The following MT1A variants were observed in gnomAD, a reference collection of about 807,000 sequenced individuals.
MT1A encodes the protein metallothionein-1A.
A neutral mutation model predicts 5.5 loss-of-function variants in MT1A; 6 were observed. The observed-to-expected ratio is 1.09, with a 90% CI of 0.60 to 2.16. The LOEUF (loss-of-function observed/expected upper bound fraction) is 2.16, where lower values mean the gene tolerates loss of function less well. MT1A is among the 30% of genes most tolerant of loss of function. The pLI, the probability that MT1A is intolerant of heterozygous loss-of-function variation, is 0.00. For synonymous variants in MT1A, 23 were observed against 24.8 expected, an observed-to-expected ratio of 0.93 and a Z score of 0.21; for missense variants, 69 against 73.4, an observed-to-expected ratio of 0.94 and a Z score of 0.22.
rs765515008 is a variant in MT1A, at chr16:56,639,979, G to T, written c.*29G>T. The T allele has an allele frequency of 1.2e-6, 2 of 1,613,132 alleles. No homozygotes were observed. The highest frequency in any genetic ancestry group is 1.1e-5 in the South Asian group (1 of 91,000). ...CCGGACAGCCCTGCTCGAAGATATA[G>T]AAAGAGTGACCTGCACAAACTTGGA... On this transcript the variant is annotated 3_prime_UTR_variant, in exon 3 of 3. Transcript: ENST00000290705.
chr16:56,638,797 A>T, intron 1 of MT1A, 31 bp downstream of exon 1: 2 of 1,613,592 alleles, frequency 1.2e-6, no homozygotes, highest in Non-Finnish European at 1.7e-6. Context: ...GGTCCTTAGG[A>T]TACCTATTTC....
chr16:56,639,828 G>T (rs527555915), intron 2 of MT1A, 31 bp from the exon 3 acceptor site: 10 of 1,613,676 alleles, frequency 6.2e-6, no homozygotes, highest in Non-Finnish European at 8.5e-6. Context: ...GTCAAGTCTG[G>T]TCTGACCTCT....
At chr16:56,638,790 C>T in intron 1 of MT1A, 24 bp downstream of exon 1, 1 of 1,613,754 alleles carries the variant, frequency 6.2e-7, no homozygotes, top group South Asian at 1.1e-5. Flanking sequence ...GGTTTCTGGT[C>T]CTTAGGATAC....
chr16:56,639,513 A>C (rs1207502385), intron 2 of MT1A, among the ~76,000 whole-genome samples, 184 bp downstream of exon 2: 1 of 12,336 alleles, frequency 8.1e-5, no homozygotes, highest in African/African-American at 1.9e-4. Flanking sequence ...TAAAATAGAC[A>C]AACTGAGGCC....
rs551386659 is a variant in MT1A, at chr16:56,638,667, C to T, written c.-72C>T. On this transcript the variant is annotated 5_prime_UTR_variant, in exon 1 of 3. Transcript: ENST00000290705. ...AGCAGCCGCTGGCTGCTGGGCCCTA[C>T]CAAGCCTTCCACGTGCGCCTTATAG... 92 of 1,562,716 alleles carry T rather than the reference C, an allele frequency of 5.9e-5. No individual in the cohort carries two copies. In the East Asian group the frequency reaches 1.9e-3, roughly 33 times the overall value.
rs761598956 is a variant in MT1A at position 56,639,845 on chromosome 16, C to T, written c.95-14C>T. 3 of 1,614,078 alleles carry T rather than the reference C, an allele frequency of 1.9e-6. No individual in the cohort carries two copies. The Admixed American group carries it at 5.0e-5, about 27-fold the overall frequency. Reference sequence around the variant, plus strand: ...CAAGTCTGGTCTGACCTCTCACTCTCCCTTCTTCCCCAGGCTGCTGCTCCT... The same window carrying T: ...CAAGTCTGGTCTGACCTCTCACTCTTCCTTCTTCCCCAGGCTGCTGCTCCT... On this transcript the variant is annotated splice_polypyrimidine_tract_variant and intron_variant, in intron 2 of 2. Coordinates refer to ENST00000290705, the MANE Select transcript of MT1A (RefSeq NM_005946.3).
In MT1A at chr16:56,639,855, C is replaced by T; in HGVS notation, c.95-4C>T. On this transcript the variant is annotated splice_polypyrimidine_tract_variant and splice_region_variant and intron_variant, in intron 2 of 2. Transcript: ENST00000290705. The stretch of plus-strand genomic sequence containing the variant: ...CTGACCTCTCACTCTCCCTTCTTCC[C>T]CAGGCTGCTGCTCCTGCTGCCCCAT... 1.9e-6 allele frequency: 3 copies of T among 1,614,132 alleles called. No homozygotes were observed. The highest frequency in any genetic ancestry group is 1.7e-6 in the Non-Finnish European group (2 of 1,180,002).
Position 56,638,755 on chromosome 16 carries a change from C to G in MT1A, c.17C>G (p.Ser6Cys). The change falls in exon 1 of 3, where the codon TCC becomes TGC. Residue 6 changes from serine to cysteine, a missense_variant. By Grantham distance (112) the Ser-to-Cys change is moderately radical. Transcript: ENST00000290705. ...CGGCTCGAAATGGACCCCAACTGCT[C>G]CTGCGCCACTGGTAAGGGATGCTAG... MDPNC[S>C]CATGGSCTCT... 6.2e-7 allele frequency: 1 copy of G among 1,614,184 alleles called. No individual in the cohort carries two copies. The highest frequency in any genetic ancestry group is 8.5e-7 in the Non-Finnish European group (1 of 1,180,012).
Position 56,639,456 on chromosome 16 carries a change from G to T in MT1A, c.94+127G>T, listed in dbSNP as rs536692351. ...TCCCCTTCCCCAGCAACTGATTCAG[G>T]ATCAGAGCCAGATCTTTAGACGTGA... On this transcript the variant is annotated intron_variant, in intron 2 of 2. Coordinates refer to ENST00000290705, the MANE Select transcript of MT1A (RefSeq NM_005946.3). 3.7e-4 allele frequency: 443 copies of T among 1,193,450 alleles called. 2 individuals are homozygous for T. The highest frequency in any genetic ancestry group is 8.9e-4 in the South Asian group (70 of 78,914). 73.9% of individuals were successfully genotyped at this position (1,193,450 alleles called of 1,614,324 possible).
intron 1 of MT1A, 35 bp downstream of exon 1, chr16:56,638,801 C>T (rs758331092): frequency 1.2e-6 from 2 of 1,612,560 alleles, no homozygotes; most frequent in South Asian, 2.2e-5. Context: ...CTTAGGATAC[C>T]TATTTCCCCG....
chr16:56,639,887 T>C lies in MT1A; in HGVS notation c.123T>C (p.Cys41=). 1 of 1,614,066 alleles carries C rather than the reference T, an allele frequency of 6.2e-7. No homozygotes were observed. The highest frequency in any genetic ancestry group is 2.2e-5 in the East Asian group (1 of 44,898). The change falls in exon 3 of 3, where the codon TGT becomes TGC. Residue 41 remains cysteine (C), a synonymous_variant. Transcript: ENST00000290705. Reference sequence around the variant, plus strand: ...GCTGCTCCTGCTGCCCCATGAGCTGTGCCAAGTGTGCCCAGGGCTGCATCT... The same window carrying C: ...GCTGCTCCTGCTGCCCCATGAGCTGCGCCAAGTGTGCCCAGGGCTGCATCT... ...KSCCSCCPMS[C]AKCAQGCICK...
Position 56,638,672 on chromosome 16 carries a change from C to T in MT1A, c.-67C>T, listed in dbSNP as rs192677443. 1.8e-3 allele frequency: 2,908 copies of T among 1,577,612 alleles called. 8 individuals carry two copies. Among genetic ancestry groups the T allele is most frequent in the Middle Eastern group, 7.5e-3 (43 of 5,728 alleles). On this transcript the variant is annotated 5_prime_UTR_variant, in exon 1 of 3. Transcript: ENST00000290705. Reference sequence around the variant, plus strand: ...CCGCTGGCTGCTGGGCCCTACCAAGCCTTCCACGTGCGCCTTATAGCCTCT... The same window carrying T: ...CCGCTGGCTGCTGGGCCCTACCAAGTCTTCCACGTGCGCCTTATAGCCTCT...
At chr16:56,639,122 GA>G (rs1161890087) in intron 1 of MT1A, 141 bp from the exon 2 acceptor site, 3 of 1,012,688 alleles carry the variant, frequency 3.0e-6, no homozygotes, top group Non-Finnish European at 4.4e-6. Flanking sequence ...TCTACAGATA[GA>G]AGTAAGATTA....
At chr16:56,639,742 C>G (rs1457836062) in intron 2 of MT1A, 117 bp from the exon 3 acceptor site, 5 of 1,342,540 alleles carry the variant, frequency 3.7e-6, no homozygotes, top group Non-Finnish European at 5.3e-6. Context: ...ACAGTGCATG[C>G]CATCCTGAAC....
At chr16:56,638,796 G>A (rs144351880) in intron 1 of MT1A, 30 bp downstream of exon 1, 37 of 1,613,720 alleles carry the variant, frequency 2.3e-5, no homozygotes, top group Middle Eastern at 3.3e-4. Flanking sequence ...TGGTCCTTAG[G>A]ATACCTATTT....
intron 1 of MT1A, 22 bp from the exon 2 acceptor site, chr16:56,639,242 T>C: frequency 6.2e-7 from 1 of 1,610,784 alleles, no homozygotes; most frequent in Non-Finnish European, 8.5e-7. Flanking sequence ...TAAAATTCAC[T>C]GCCTTTTTCT....
At position 56,640,005 on chromosome 16, in the gene MT1A, A is replaced by G; in HGVS notation, c.*55A>G. 6.2e-7 allele frequency: 1 copy of G among 1,603,458 alleles called. No individual in the cohort carries two copies. Among genetic ancestry groups the G allele is most frequent in the South Asian group, 1.1e-5 (1 of 90,194 alleles). ...AAAGAGTGACCTGCACAAACTTGGA[A>G]TTTTTTTTCCATACAACCCTGACCC... On this transcript the variant is annotated 3_prime_UTR_variant, in exon 3 of 3. Transcript: ENST00000290705.
chr16:56,639,779 A>G (rs1960420482), intron 2 of MT1A, 80 bp from the exon 3 acceptor site: 2 of 1,580,644 alleles, frequency 1.3e-6, no homozygotes, highest in African/African-American at 1.3e-5. Context: ...CTGGGGACAG[A>G]GCTTGGGCCA....
chr16:56,639,799 G>C lies in MT1A; in HGVS notation c.95-60G>C, dbSNP rs1287159892. The C allele has an allele frequency of 3.1e-6, 5 of 1,607,430 alleles. No homozygotes were observed. In the South Asian group the frequency reaches 3.3e-5, roughly 11 times the overall value. On this transcript the variant is annotated intron_variant, in intron 2 of 2. Transcript: ENST00000290705. ...GACAGAGCTTGGGCCAGGCTTCTCT[G>C]GGGGCAGGGAAGTCCCCGGTCAAGT... is the stretch of plus-strand genomic sequence containing the variant.
Sources: allele counts gnomAD v4.1 joint callset (sites outside exome capture counted in the v4.1 genomes callset), GRCh38; gene constraint gnomAD v4.1.1; transcripts MANE v1.5; gene names NCBI Gene and HGNC (gene_info 2026-07-23, HGNC 2026-07-21).